The following CCDC7 variants were observed in gnomAD, a reference collection of about 807,000 sequenced individuals.
The protein encoded by CCDC7 is coiled-coil domain containing 7, also known as coiled-coil domain-containing protein 7.
A neutral mutation model predicts 196.9 loss-of-function variants in CCDC7; 183 were observed. That is an observed-to-expected ratio of 0.93 (90% CI 0.82 to 1.05). The LOEUF (loss-of-function observed/expected upper bound fraction) is 1.05, where lower values mean the gene tolerates loss of function less well. CCDC7 is among the 50% of genes least tolerant of loss of function. CCDC7 has a pLI of 0.00. For synonymous variants in CCDC7, 525 were observed against 484.6 expected, an observed-to-expected ratio of 1.08 and a Z score of -1.10; for missense variants, 1,540 against 1,482.2, an observed-to-expected ratio of 1.04 and a Z score of -0.64.
intron 18 of CCDC7, 141 bp from the exon 20 acceptor site, chr10:32,634,113 T>G: frequency 2.6e-6 from 1 of 380,762 alleles, no homozygotes; most frequent in Non-Finnish European, 4.6e-6. Flanking sequence ...TCATGTGAGA[T>G]CTATCTCAAT....
chr10:32,747,291 C>T lies in CCDC7; in HGVS notation c.2905+17834C>T, dbSNP rs2074933205. ...AGAAGGAAACCTAGGAAATACCCTT[C>T]TGGACACATGCCCTGGCAAAGATTT... On this transcript the variant is annotated intron_variant, in intron 28 of 41. Transcript: ENST00000639629. 2.6e-5 allele frequency among the ~76,000 whole-genome samples: 4 copies of T among 152,188 alleles called. No homozygotes were observed. In the South Asian group the frequency reaches 8.3e-4, roughly 32 times the overall value.
rs138464773 is a variant in CCDC7 at position 32,849,586 on chromosome 10, C to T, written c.3895+868C>T. Among the ~76,000 whole-genome samples the T allele has an allele frequency of 7.9e-3, 1,200 of 151,296 alleles. 7 individuals carry two copies. The highest frequency in any genetic ancestry group is 0.021 in the Middle Eastern group (6 of 292). On this transcript the variant is annotated intron_variant, in intron 39 of 41. Transcript: ENST00000639629. ...GGCATGGTGGCACGTGCCTGTAGTCCCAGCTACTTGGGAGGCTGAGGCAGG... is the reference window on the plus strand; with the variant it reads ...GGCATGGTGGCACGTGCCTGTAGTCTCAGCTACTTGGGAGGCTGAGGCAGG...
chr10:32,637,301 G>A (rs1326628756), intron 20 of CCDC7, among the ~76,000 whole-genome samples: 1 of 152,112 alleles, frequency 6.6e-6, no homozygotes, highest in African/African-American at 2.4e-5. Flanking sequence ...TGAAGTCCTT[G>A]CCCATGCCTA....
At chr10:32,653,083 G>T (rs1214597709) in intron 20 of CCDC7, among the ~76,000 whole-genome samples, 1 of 152,084 alleles carries the variant, frequency 6.6e-6, no homozygotes, top group African/African-American at 2.4e-5. Flanking sequence ...ACTATTTTAG[G>T]TTGTCAATTC....
At chr10:32,566,913 A>G (rs1432299716) in intron 14 of CCDC7, among the ~76,000 whole-genome samples, 5 of 144,662 alleles carry the variant, frequency 3.5e-5, no homozygotes, top group Non-Finnish European at 6.0e-5. Context: ...ATGTATAATT[A>G]TATATTATAT....
upstream of CCDC7, among the ~76,000 whole-genome samples, chr10:32,448,166 A>G (rs1197608504): frequency 6.6e-6 from 1 of 152,192 alleles, no homozygotes; most frequent in Non-Finnish European, 1.5e-5. Context: ...TTCTTGGATG[A>G]AATAAACATT....
chr10:32,666,662 T>G (rs915415169), intron 21 of CCDC7, among the ~76,000 whole-genome samples: 2 of 152,026 alleles, frequency 1.3e-5, no homozygotes, highest in African/African-American at 4.8e-5. Context: ...TTGCTGAGAA[T>G]GATGGTTTCC....
At chr10:32,598,456 G>T (rs2060651956) in intron 18 of CCDC7, among the ~76,000 whole-genome samples, 1 of 152,214 alleles carries the variant, frequency 6.6e-6, no homozygotes. Flanking sequence ...AGCTTCCAGG[G>T]TGAGGCGATG....
At chr10:32,500,455 C>T (rs1268503806) in intron 9 of CCDC7, among the ~76,000 whole-genome samples, 17 of 151,248 alleles carry the variant, frequency 1.1e-4, no homozygotes, top group Admixed American at 5.9e-4. Context: ...GAGGGGGCGG[C>T]GGGGCAGAGG....
chr10:32,729,052 T>G (rs1014618595), intron 27 of CCDC7, 55 bp downstream of exon 28: 2 of 1,233,912 alleles, frequency 1.6e-6, no homozygotes, highest in African/African-American at 1.5e-5. Context: ...ACTCATCAGA[T>G]CTTTTCCTTT....
At chr10:32,537,529 C>T (rs1339310208) in intron 11 of CCDC7, among the ~76,000 whole-genome samples, 2 of 151,950 alleles carry the variant, frequency 1.3e-5, no homozygotes, top group Non-Finnish European at 2.9e-5. Flanking sequence ...TTGTTTTTGT[C>T]GAAATGGCTT....
chr10:32,872,395 A>G (rs986649624), intron 41 of CCDC7, among the ~76,000 whole-genome samples: 1 of 151,482 alleles, frequency 6.6e-6, no homozygotes, highest in African/African-American at 2.4e-5. Flanking sequence ...TGCTTCGTAG[A>G]TCTTCCTCCA....
chr10:32,786,209 T>TA (rs1326593862), intron 29 of CCDC7, among the ~76,000 whole-genome samples: 1 of 152,192 alleles, frequency 6.6e-6, no homozygotes, highest in African/African-American at 2.4e-5. Flanking sequence ...AAATTTTTTG[T>TA]AAAAATGATT....
At chr10:32,844,073 T>C (rs2093140279) in intron 33 of CCDC7, among the ~76,000 whole-genome samples, 1 of 151,966 alleles carries the variant, frequency 6.6e-6, no homozygotes, top group South Asian at 2.1e-4. Context: ...AGTTATATAG[T>C]CTGCTATAAA....
chr10:32,567,890 AG>A lies in CCDC7; in HGVS notation c.1419+1del, dbSNP rs745745817. 9.3e-6 allele frequency: 15 copies of A among 1,609,878 alleles called. No homozygotes were observed. The East Asian group carries it at 3.4e-4, about 36-fold the overall frequency. ...AGTGATAAAATCCAAGAATATCCAC[AG>A]GTGAGGAAATAACCAAAATGGAGAC... is the stretch of plus-strand genomic sequence containing the variant. On this transcript the variant is annotated frameshift_variant and splice_region_variant, in exon 15 of 42. Transcript: ENST00000639629. LOFTEE classifies it high-confidence loss of function.
chr10:32,632,253 T>C (rs2064984315), intron 18 of CCDC7, among the ~76,000 whole-genome samples: 1 of 151,862 alleles, frequency 6.6e-6, no homozygotes, highest in Non-Finnish European at 1.5e-5. Context: ...AACCATTAAG[T>C]ATAATGCTAG....
chr10:32,779,204 G>T, intron 29 of CCDC7, 120 bp downstream of exon 30: 1 of 709,550 alleles, frequency 1.4e-6, no homozygotes, highest in Admixed American at 3.3e-5. Flanking sequence ...CTCAACTTAA[G>T]TTCATTCTAC....
chr10:32,488,675 A>G (rs1025355899), intron 8 of CCDC7, among the ~76,000 whole-genome samples: 4 of 152,136 alleles, frequency 2.6e-5, no homozygotes, highest in Non-Finnish European at 4.4e-5. Flanking sequence ...TATGATTTCT[A>G]TCACTCTGTT....
At chr10:32,844,704 A>G (rs571368079) in intron 33 of CCDC7, among the ~76,000 whole-genome samples, 1 of 151,946 alleles carries the variant, frequency 6.6e-6, no homozygotes, top group South Asian at 2.1e-4. Context: ...TTGTACATCA[A>G]TTTTGTCATT....
Sources: allele counts gnomAD v4.1 joint callset (sites outside exome capture counted in the v4.1 genomes callset), GRCh38; gene constraint gnomAD v4.1.1; transcripts MANE v1.5; gene names NCBI Gene and HGNC (gene_info 2026-07-23, HGNC 2026-07-21).